Variants in HSBP1L1 observed in about 807,000 individuals in gnomAD.
The protein encoded by HSBP1L1 is heat shock factor-binding protein 1-like protein 1.
A neutral mutation model predicts 9.7 loss-of-function variants in HSBP1L1; 8 were observed. The ratio of observed to expected loss-of-function variants is 0.82; its 90% CI spans 0.48 to 1.48. The LOEUF is 1.48. Among genes scored for constraint, HSBP1L1 ranks in the 40% most tolerant of loss-of-function variants. The pLI, the probability that HSBP1L1 is intolerant of heterozygous loss-of-function variation, is 0.00. For missense variants in HSBP1L1, 106 were observed against 95.8 expected (o/e 1.11, Z -0.44); for synonymous variants, 39 against 34.4 (o/e 1.13, Z -0.46).
chr18:79,969,383 G>GAA (rs1357783881), intron 3 of HSBP1L1, among the ~76,000 whole-genome samples: 17 of 59,032 alleles, frequency 2.9e-4, no homozygotes, highest in African/African-American at 8.1e-4. Context: ...AAGAAAGAAA[G>GAA]AAAGAAAGAA....
chr18:79,969,300 G>GGAA (rs2051276386), intron 3 of HSBP1L1, among the ~76,000 whole-genome samples: 1 of 72,870 alleles, frequency 1.4e-5, no homozygotes, highest in Non-Finnish European at 3.0e-5. Flanking sequence ...GGGAGGGAGA[G>GGAA]AGAGAGAGAA....
chr18:79,968,554 A>C (rs570849084), intron 3 of HSBP1L1, among the ~76,000 whole-genome samples: 52 of 151,996 alleles, frequency 3.4e-4, no homozygotes, highest in Non-Finnish European at 6.2e-4. Flanking sequence ...TCCAACTCAC[A>C]ACCTCAGGTG....
chr18:79,966,949 C>T (rs557207655), intron 2 of HSBP1L1: 17 of 314,624 alleles, frequency 5.4e-5, no homozygotes, highest in African/African-American at 3.1e-4. Context: ...GAGATGGAGA[C>T]CATCCTGGCT....
Position 79,964,752 on chromosome 18 carries a change from C to T in HSBP1L1, c.17C>T (p.Pro6Leu), listed in dbSNP as rs1399987675. 5 of 1,418,622 alleles carry T rather than the reference C, an allele frequency of 3.5e-6. No individual in the cohort carries two copies. In the African/African-American group the frequency reaches 4.5e-5, roughly 13 times the overall value. 87.9% of individuals were successfully genotyped at this position (1,418,622 alleles called of 1,614,324 possible). A position where few individuals can be genotyped will look rare whatever the true frequency, so the allele number is the denominator to read the frequency against. Residue 6 changes from proline (P) to leucine (L), a missense_variant, in exon 1 of 4, where the codon CCT becomes CTT. Transcript: ENST00000451882. Reference protein sequence around the residue: MDVRGPEAPGGRALRD... With the variant: MDVRGLEAPGGRALRD... ...GCGGTCCACATGGACGTGCGGGGCC[C>T]TGAAGCCCCCGGCGGGCGCGCGCTG...
chr18:79,964,812 C>G, intron 1 of HSBP1L1, 26 bp downstream of exon 1: 1 of 1,314,570 alleles, frequency 7.6e-7, no homozygotes, highest in Non-Finnish European at 9.7e-7. Context: ...ACTCCTGCTT[C>G]TCTCTGGATG....
chr18:79,967,970 G>A (rs369222596), intron 2 of HSBP1L1, 119 bp from the exon 3 acceptor site: 58 of 607,880 alleles, frequency 9.5e-5, no homozygotes, highest in African/African-American at 5.4e-4. Flanking sequence ...TAGGCCTGTC[G>A]TTGATTCCCT....
intron 1 of HSBP1L1, among the ~76,000 whole-genome samples, chr18:79,965,517 G>A (rs942197595): frequency 1.3e-5 from 2 of 152,150 alleles, no homozygotes; most frequent in African/African-American, 4.8e-5. Context: ...TCTCACCCTG[G>A]ACACGGTCGC....
chr18:79,968,120 A>T lies in HSBP1L1; in HGVS notation c.150A>T (p.Leu50Phe). 1 of 1,550,260 alleles carries T rather than the reference A, an allele frequency of 6.5e-7. No individual in the cohort carries two copies. Among genetic ancestry groups the T allele is most frequent in the Non-Finnish European group, 8.7e-7 (1 of 1,145,730 alleles). ...AAATGGGAAATCGCATTGAGGACTT[A>T]CAGAAGAATGTCAAGGACTTAATGG... ...MEEMGNRIED[L>F]QKNVKDLMVQ... The change falls in exon 3 of 4, where the codon TTA becomes TTT. Residue 50 changes from leucine to phenylalanine, a missense_variant. Coordinates refer to ENST00000451882, the MANE Select transcript of HSBP1L1 (RefSeq NM_001136180.2).
intron 3 of HSBP1L1, among the ~76,000 whole-genome samples, chr18:79,968,914 G>GCC (rs1461813459): frequency 6.6e-6 from 1 of 151,110 alleles, no homozygotes; most frequent in African/African-American, 2.4e-5. Flanking sequence ...GCCAGGCGCG[G>GCC]TGGCTCAGCC....
intron 2 of HSBP1L1, chr18:79,967,740 C>A (rs186500048): frequency 2.2e-3 from 399 of 183,976 alleles, no homozygotes; most frequent in African/African-American, 7.9e-3. Flanking sequence ...CACCACTGCA[C>A]TCCAGCCTGG....
chr18:79,970,232 G>T, intron 3 of HSBP1L1: 2 of 508,870 alleles, frequency 3.9e-6, no homozygotes, highest in Non-Finnish European at 7.2e-6. Context: ...AAGGATTTAA[G>T]AAAATTGCTT....
chr18:79,969,655 T>C (rs944372498), intron 3 of HSBP1L1, among the ~76,000 whole-genome samples: 5 of 152,168 alleles, frequency 3.3e-5, no homozygotes, highest in Non-Finnish European at 7.4e-5. Flanking sequence ...CCTAACCAAG[T>C]TTCCTGCAGA....
chr18:79,964,792 C>T lies in HSBP1L1; in HGVS notation c.51+6C>T. 1.4e-6 allele frequency: 2 copies of T among 1,387,408 alleles called. No homozygotes were observed. The highest frequency in any genetic ancestry group is 3.1e-5 in the South Asian group (2 of 65,354). 85.9% of individuals were successfully genotyped at this position (1,387,408 alleles called of 1,614,324 possible). A position where few individuals can be genotyped will look rare whatever the true frequency, so the allele number is the denominator to read the frequency against. On this transcript the variant is annotated splice_donor_region_variant and intron_variant, in intron 1 of 3. Coordinates refer to ENST00000451882, the MANE Select transcript of HSBP1L1 (RefSeq NM_001136180.2). ...GGCGCGCGCTGCGGGACGCGGTGAG[C>T]CCCTCCCCGACTCCTGCTTCTCTCT...
At position 79,964,702 on chromosome 18, in the gene HSBP1L1, G is replaced by A; in HGVS notation, c.-34G>A. The A allele has an allele frequency of 1.5e-6, 2 of 1,331,638 alleles. No homozygotes were observed. The highest frequency in any genetic ancestry group is 2.0e-6 in the Non-Finnish European group (2 of 1,011,496). 82.5% of individuals were successfully genotyped at this position (1,331,638 alleles called of 1,614,324 possible). A position where few individuals can be genotyped will look rare whatever the true frequency, so the allele number is the denominator to read the frequency against. ...CGCGCCGGGTCCGCGCGGCCCACGG[G>A]ACCCCCCACTGACGCCCCCGGCCAG... On this transcript the variant is annotated 5_prime_UTR_variant, in exon 1 of 4. Coordinates refer to ENST00000451882, the MANE Select transcript of HSBP1L1 (RefSeq NM_001136180.2).
chr18:79,966,288 G>T (rs201768848), intron 1 of HSBP1L1, among the ~76,000 whole-genome samples: 2 of 151,742 alleles, frequency 1.3e-5, no homozygotes, highest in African/African-American at 4.8e-5. Context: ...TCATGCCTGT[G>T]ATCCCAGCAC....
chr18:79,969,331 A>AAAAGAAAGAAAGAAAGAAAGAAAAGAAAG (rs2051278524), intron 3 of HSBP1L1, among the ~76,000 whole-genome samples: 2 of 71,976 alleles, frequency 2.8e-5, no homozygotes, highest in South Asian at 6.3e-4. Flanking sequence ...GAAAGAAAGA[A>AAAAGAAAGAAAGAAAGAAAGAAAAGAAAG]AAAGAAAGAA....
chr18:79,969,335 G>A (rs867924297), intron 3 of HSBP1L1, among the ~76,000 whole-genome samples: 2,356 of 15,848 alleles, frequency 0.15, 71 homozygotes, highest in Non-Finnish European at 0.19. Flanking sequence ...GAAAGAAAAA[G>A]AAAGAAAGAA....
At position 79,969,662 on chromosome 18, in the gene HSBP1L1, C is replaced by A. The variant is rs144465878; in HGVS notation, c.214-778C>A. On this transcript the variant is annotated intron_variant, in intron 3 of 3. Coordinates refer to ENST00000451882, the MANE Select transcript of HSBP1L1 (RefSeq NM_001136180.2). ...CCCAGACACCTAACCAAGTTTCCTG[C>A]AGACACACTGGCATCATAACCTTCA... is the stretch of plus-strand genomic sequence containing the variant. Among the ~76,000 whole-genome samples, 93 of 152,286 alleles carry A rather than the reference C, an allele frequency of 6.1e-4. 2 individuals are homozygous for A. The East Asian group carries it at 0.016, about 27-fold the overall frequency.
intron 3 of HSBP1L1, among the ~76,000 whole-genome samples, chr18:79,969,736 CTG>C (rs566616399): frequency 1.9e-4 from 22 of 116,584 alleles, no homozygotes; most frequent in African/African-American, 5.2e-4. Context: ...GCCCCATACT[CTG>C]TAGCCTTCTG....
Sources: gnomAD v4.1 joint callset for allele counts (sites outside exome capture counted in the v4.1 genomes callset) on GRCh38, gnomAD v4.1.1 for gene constraint, MANE v1.5 for transcripts, NCBI Gene and HGNC (gene_info 2026-07-23, HGNC 2026-07-21) for gene names.